The following SPAM1 variants were observed in gnomAD, a reference collection of about 807,000 sequenced individuals.
SPAM1 encodes the protein hyaluronidase PH-20.
SPAM1 carries 22 observed loss-of-function variants against 29.6 expected under a neutral mutation model. The ratio of observed to expected loss-of-function variants is 0.74; its 90% CI spans 0.53 to 1.06. The LOEUF is 1.06. Among genes scored for constraint, SPAM1 ranks in the 50% least tolerant of loss-of-function variants. SPAM1 has a pLI of 0.00. For synonymous variants in SPAM1, 194 were observed against 204.6 expected (o/e 0.95, Z 0.44); for missense variants, 534 against 604.0 (o/e 0.88, Z 1.21).
intron 5 of SPAM1, among the ~76,000 whole-genome samples, chr7:123,968,360 T>C (rs1563035269): frequency 6.6e-6 from 1 of 152,058 alleles, no homozygotes; most frequent in African/African-American, 2.4e-5. Context: ...AATTGAAAAC[T>C]GTCATGACGC....
At chr7:123,962,795 G>C (rs1459607029), downstream of SPAM1, among the ~76,000 whole-genome samples, 1 of 151,734 alleles carries the variant, frequency 6.6e-6, no homozygotes, top group Non-Finnish European at 1.5e-5. Flanking sequence ...TCTGGTTTCA[G>C]TTTTTTTGTA....
chr7:123,970,592 A>AAATAATAATAATAAT (rs150055865), intron 6 of SPAM1, among the ~76,000 whole-genome samples: 2,770 of 146,206 alleles, frequency 0.019, 37 homozygotes, highest in Non-Finnish European at 0.027. Context: ...CCATCTCTAC[A>AAATAATAATAATAAT]AATAATAATA....
At chr7:123,929,428 A>G (rs1392366111) in intron 1 of SPAM1, among the ~76,000 whole-genome samples, 1 of 152,144 alleles carries the variant, frequency 6.6e-6, no homozygotes, top group Non-Finnish European at 1.5e-5. Context: ...TGGTAACTAC[A>G]GTATCACCCT....
At chr7:123,950,693 T>C (rs749899722) in intron 2 of SPAM1, among the ~76,000 whole-genome samples, 2 of 152,172 alleles carry the variant, frequency 1.3e-5, no homozygotes, top group Non-Finnish European at 2.9e-5. Flanking sequence ...TTCCATGACT[T>C]TGCTCTTGTG....
At chr7:123,969,980 C>A (rs1792476462) in intron 5 of SPAM1, among the ~76,000 whole-genome samples, 1 of 151,912 alleles carries the variant, frequency 6.6e-6, no homozygotes, top group African/African-American at 2.4e-5. Flanking sequence ...TCTCTTTTTC[C>A]TAGAGTGGTG....
intron 4 of SPAM1, among the ~76,000 whole-genome samples, chr7:123,955,380 T>A (rs772425327): frequency 6.6e-6 from 1 of 152,038 alleles, no homozygotes; most frequent in Non-Finnish European, 1.5e-5. Flanking sequence ...GCATGGTGTT[T>A]TGTGTCAGAA....
intron 4 of SPAM1, 33 bp downstream of exon 4, chr7:123,955,119 A>G (rs775830945): frequency 2.9e-6 from 4 of 1,386,426 alleles, no homozygotes. Flanking sequence ...AGGTGAAAAT[A>G]TTTCTATGTT....
intron 1 of SPAM1, among the ~76,000 whole-genome samples, chr7:123,928,595 G>C (rs1807970217): frequency 6.6e-6 from 1 of 152,132 alleles, no homozygotes; most frequent in African/African-American, 2.4e-5. Flanking sequence ...TAGAATTAGA[G>C]ATGATAGAGA....
chr7:123,931,521 G>A lies in SPAM1; in HGVS notation c.-319+6169G>A, dbSNP rs567067320. Among the ~76,000 whole-genome samples, 3 of 152,236 alleles carry A rather than the reference G, an allele frequency of 2.0e-5. No individual in the cohort carries two copies. The East Asian group carries it at 5.8e-4, about 29-fold the overall frequency. On this transcript the variant is annotated intron_variant, in intron 1 of 4. Transcript: ENST00000682466. Reference sequence around the variant, plus strand: ...TGGATTTCTTTCCCTCAGGCTATTAGCATTAGATCCTACCCTTTTTGTCCA... The same window carrying A: ...TGGATTTCTTTCCCTCAGGCTATTAACATTAGATCCTACCCTTTTTGTCCA...
rs180674045 is a variant in SPAM1 at position 123,955,652 on chromosome 7, G to T, written c.1044+566G>T. ...TCTAGTAGTCTAAGAAAGCCTTTGA[G>T]AAGCATTATATTCATCTCTTATTCT... On this transcript the variant is annotated intron_variant, in intron 4 of 4. Coordinates refer to ENST00000682466, the MANE Select transcript of SPAM1 (RefSeq NM_153189.3). Among the ~76,000 whole-genome samples, 28 of 152,122 alleles carry T rather than the reference G, an allele frequency of 1.8e-4. No individual in the cohort carries two copies. In the East Asian group the frequency reaches 4.9e-3, roughly 26 times the overall value.
chr7:123,949,759 G>T, intron 1 of SPAM1, 113 bp from the exon 2 acceptor site: 1 of 151,992 alleles, frequency 6.6e-6, no homozygotes, highest in East Asian at 1.9e-4. Context: ...GTGTTCCAGT[G>T]ATAAAACGCC....
At chr7:123,939,320 C>T (rs981329508) in intron 1 of SPAM1, among the ~76,000 whole-genome samples, 1 of 152,110 alleles carries the variant, frequency 6.6e-6, no homozygotes, top group Non-Finnish European at 1.5e-5. Context: ...CTCCTGACCT[C>T]GTGATCTGCC....
intron 5 of SPAM1, among the ~76,000 whole-genome samples, chr7:123,968,073 A>C (rs539310894): frequency 6.6e-6 from 1 of 152,138 alleles, no homozygotes; most frequent in Admixed American, 6.6e-5. Flanking sequence ...GGCTTAGCCT[A>C]GGAAGGTTCT....
intron 1 of SPAM1, among the ~76,000 whole-genome samples, chr7:123,936,302 G>A (rs1010857972): frequency 6.6e-6 from 1 of 152,148 alleles, no homozygotes; most frequent in Non-Finnish European, 1.5e-5. Context: ...GGAGGACAAC[G>A]GGCTGGAAGA....
intron 4 of SPAM1, 89 bp from the exon 5 acceptor site, chr7:123,959,395 T>C (rs1792315403): frequency 1.2e-6 from 1 of 846,372 alleles, no homozygotes; most frequent in Admixed American, 2.7e-5. Context: ...TTCATTCTTC[T>C]GTAAAAAAAT....
rs545477877 is a variant in SPAM1 at position 123,930,435 on chromosome 7, A to T, written c.-319+5083A>T. 2.0e-5 allele frequency among the ~76,000 whole-genome samples: 3 copies of T among 152,302 alleles called. No homozygotes were observed. The East Asian group carries it at 5.8e-4, about 29-fold the overall frequency. On this transcript the variant is annotated intron_variant, in intron 1 of 4. Transcript: ENST00000682466. ...AGGTATCGCCAAAGAGGTGCAGAAG[A>T]TGCAGCTCCCATGATCCAAAAAGCC...
downstream of SPAM1, chr7:123,960,137 C>A: frequency 1.1e-6 from 1 of 880,102 alleles, no homozygotes; most frequent in Non-Finnish European, 1.7e-6. Flanking sequence ...ACAAACACTG[C>A]TATATTGTAT....
chr7:123,943,083 A>G (rs1414487224), intron 1 of SPAM1, among the ~76,000 whole-genome samples: 1 of 152,148 alleles, frequency 6.6e-6, no homozygotes, highest in Non-Finnish European at 1.5e-5. Context: ...ATTTCAAAAG[A>G]AAAGTTTTTC....
intron 1 of SPAM1, among the ~76,000 whole-genome samples, chr7:123,928,130 C>T (rs1370516569): frequency 6.6e-6 from 1 of 152,046 alleles, no homozygotes; most frequent in East Asian, 1.9e-4. Flanking sequence ...TATAAAAAAA[C>T]CCTGCTATAA....
Sources: allele counts gnomAD v4.1 joint callset (sites outside exome capture counted in the v4.1 genomes callset), GRCh38; gene constraint gnomAD v4.1.1; transcripts MANE v1.5; gene names NCBI Gene and HGNC (gene_info 2026-07-23, HGNC 2026-07-21).